Variants in KCNMA1 observed in about 807,000 individuals in gnomAD.
KCNMA1 encodes Calcium-activated potassium channel subunit alpha-1.
Under a neutral mutation model 140.0 loss-of-function variants are expected in KCNMA1, and 29 were observed. That is an observed-to-expected ratio of 0.21 (90% CI 0.15 to 0.28). The LOEUF is 0.28. KCNMA1 is among the 10% of genes least tolerant of loss of function. The probability of loss-of-function intolerance (pLI) is 1.00; values close to 1 mark genes in which losing one functional copy is unlikely to be tolerated. For synonymous variants in KCNMA1, 612 were observed against 611.9 expected, an observed-to-expected ratio of 1.00 and a Z score of 0.00; for missense variants, 880 against 1,602.2, an observed-to-expected ratio of 0.55 and a Z score of 7.70.
chr10:77,443,140 T>A (rs61856121), intron 1 of KCNMA1, among the ~76,000 whole-genome samples: 6 of 151,982 alleles, frequency 3.9e-5, no homozygotes, highest in African/African-American at 1.4e-4. Flanking sequence ...GCCACCATCA[T>A]CCCACGAGGG....
chr10:77,097,269 A>C (rs1258772117), intron 9 of KCNMA1, among the ~76,000 whole-genome samples: 2 of 151,846 alleles, frequency 1.3e-5, no homozygotes, highest in Admixed American at 6.6e-5. Flanking sequence ...GACTAATCCA[A>C]CTCCCACCTT....
chr10:77,633,009 T>G (rs910868205), intron 1 of KCNMA1, among the ~76,000 whole-genome samples: 2 of 152,160 alleles, frequency 1.3e-5, no homozygotes, highest in Non-Finnish European at 2.9e-5. Context: ...TGTACTAAAG[T>G]GTGCATTTCC....
chr10:77,343,079 G>A (rs2091350847), intron 2 of KCNMA1, among the ~76,000 whole-genome samples: 2 of 152,132 alleles, frequency 1.3e-5, no homozygotes, highest in South Asian at 4.1e-4. Flanking sequence ...TAAGGAACAG[G>A]GCTTGGTGTG....
rs567837570 is a variant in KCNMA1 at position 77,506,181 on chromosome 10, G to C, written c.379-102158C>G. Among the ~76,000 whole-genome samples the C allele has an allele frequency of 3.3e-5, 5 of 152,290 alleles. No homozygotes were observed. In the South Asian group the frequency reaches 1.0e-3, roughly 32 times the overall value. On this transcript the variant is annotated intron_variant, in intron 1 of 27. Coordinates refer to ENST00000286628, the MANE Select transcript of KCNMA1 (RefSeq NM_001161352.2). ...GACTAACCCCTCTGGCTCTTGTGTA[G>C]AGCTAATTAGAGTTTCTTCTGGAAG...
intron 3 of KCNMA1, among the ~76,000 whole-genome samples, chr10:77,235,095 C>T (rs1164428804): frequency 6.6e-6 from 1 of 152,214 alleles, no homozygotes; most frequent in Admixed American, 6.5e-5. Context: ...TTAATACTAG[C>T]AGGCATTAAC....
At chr10:77,324,817 C>G (rs2083408766) in intron 2 of KCNMA1, among the ~76,000 whole-genome samples, 1 of 152,146 alleles carries the variant, frequency 6.6e-6, no homozygotes, top group Non-Finnish European at 1.5e-5. Context: ...GTGGAGGCAA[C>G]AGAAGGAATA....
intron 5 of KCNMA1, among the ~76,000 whole-genome samples, chr10:77,132,126 T>C (rs2097875298): frequency 6.6e-6 from 1 of 152,004 alleles, no homozygotes; most frequent in Non-Finnish European, 1.5e-5. Flanking sequence ...AAAAAATGCT[T>C]TAGAAAAATA....
intron 2 of KCNMA1, among the ~76,000 whole-genome samples, chr10:77,362,014 C>T (rs1328098555): frequency 1.3e-5 from 2 of 152,176 alleles, no homozygotes; most frequent in Non-Finnish European, 2.9e-5. Context: ...CATGCCAGGC[C>T]CAGGGTCTCC....
At chr10:76,920,020 G>GTATATGTATATATATA (rs1554921803) in intron 23 of KCNMA1, among the ~76,000 whole-genome samples, 19 of 34,432 alleles carry the variant, frequency 5.5e-4, no homozygotes, top group East Asian at 1.3e-3. Flanking sequence ...GTGTGTGTGT[G>GTATATGTATATATATA]TATATATATA....
chr10:77,070,793 C>G (rs556860355), intron 14 of KCNMA1, among the ~76,000 whole-genome samples: 347 of 151,998 alleles, frequency 2.3e-3, no homozygotes, highest in Non-Finnish European at 4.0e-3. Flanking sequence ...CTAAAGGAGA[C>G]GAAGATCTGG....
chr10:76,887,629 G>T, intron 27 of KCNMA1, 114 bp from the exon 28 acceptor site: 3 of 1,203,540 alleles, frequency 2.5e-6, no homozygotes, highest in Non-Finnish European at 3.7e-6. Flanking sequence ...GGATCTGGAA[G>T]ATGCACTCCT....
intron 1 of KCNMA1, among the ~76,000 whole-genome samples, chr10:77,495,098 C>T (rs1457726683): frequency 6.6e-6 from 1 of 152,176 alleles, no homozygotes; most frequent in African/African-American, 2.4e-5. Context: ...GCTAGGACTT[C>T]ATTATCTGTT....
chr10:76,964,177 T>C (rs1024673483), intron 20 of KCNMA1, among the ~76,000 whole-genome samples: 21 of 151,344 alleles, frequency 1.4e-4, no homozygotes, highest in African/African-American at 5.1e-4. Context: ...TTGACGGCCA[T>C]CCCTGGAGCC....
At chr10:77,489,559 G>A (rs893245455) in intron 1 of KCNMA1, among the ~76,000 whole-genome samples, 12 of 152,040 alleles carry the variant, frequency 7.9e-5, no homozygotes, top group Non-Finnish European at 1.6e-4. Context: ...GGTTGACCTC[G>A]AACTCCTGAC....
At chr10:76,987,234 A>T (rs773155982) in intron 19 of KCNMA1, among the ~76,000 whole-genome samples, 28 of 152,226 alleles carry the variant, frequency 1.8e-4, no homozygotes, top group Non-Finnish European at 3.7e-4. Context: ...CTAAGAATTC[A>T]AAGACCAATT....
chr10:76,886,955 A>C lies in KCNMA1; in HGVS notation c.*311T>G, dbSNP rs2037295636. 1 of 1,222,416 alleles carries C rather than the reference A, an allele frequency of 8.2e-7. No homozygotes were observed. Among genetic ancestry groups the C allele is most frequent in the South Asian group, 1.6e-5 (1 of 61,232 alleles). 75.7% of individuals were successfully genotyped at this position (1,222,416 alleles called of 1,614,324 possible). A position where few individuals can be genotyped will look rare whatever the true frequency, so the allele number is the denominator to read the frequency against. On this transcript the variant is annotated 3_prime_UTR_variant, in exon 28 of 28. Transcript: ENST00000286628. ...CTCTGCCTAACTGACGTTGATCACA[A>C]GTGCTCCCTTCTAATCTGTGAACTC... is the stretch of plus-strand genomic sequence containing the variant.
At chr10:77,533,913 C>A (rs2154553463) in intron 1 of KCNMA1, among the ~76,000 whole-genome samples, 1 of 152,302 alleles carries the variant, frequency 6.6e-6, no homozygotes, top group Non-Finnish European at 1.5e-5. Flanking sequence ...AGCTCCATGC[C>A]TGAATGTTCT....
chr10:76,920,020 G>GTGTGTGTGTGTGTGTGTGTATATA (rs1177257916), intron 23 of KCNMA1, among the ~76,000 whole-genome samples: 2 of 34,408 alleles, frequency 5.8e-5, no homozygotes, highest in African/African-American at 2.1e-4. Flanking sequence ...GTGTGTGTGT[G>GTGTGTGTGTGTGTGTGTGTATATA]TATATATATA....
At chr10:77,353,970 T>TGGGGGGGGGGGGGGGG (rs563299513) in intron 2 of KCNMA1, among the ~76,000 whole-genome samples, 1 of 92,936 alleles carries the variant, frequency 1.1e-5, no homozygotes, top group African/African-American at 5.2e-5. Flanking sequence ...CCTCTTTTTT[T>TGGGGGGGGGGGGGGGG]GGGGGGGGGG....
Sources: allele counts gnomAD v4.1 joint callset (sites outside exome capture counted in the v4.1 genomes callset), GRCh38; gene constraint gnomAD v4.1.1; transcripts MANE v1.5; gene names NCBI Gene and HGNC (gene_info 2026-07-23, HGNC 2026-07-21).